Variants in PLA2G4F observed in about 807,000 individuals in gnomAD.
PLA2G4F encodes cytosolic phospholipase A2 zeta.
Under a neutral mutation model 103.1 loss-of-function variants are expected in PLA2G4F, and 105 were observed. The observed-to-expected ratio is 1.02, with a 90% CI of 0.87 to 1.20. PLA2G4F has a LOEUF of 1.20. Among genes scored for constraint, PLA2G4F ranks in the 50% most tolerant of loss-of-function variants. PLA2G4F has a pLI of 0.00. For missense variants in PLA2G4F, 1,155 were observed against 1,075.9 expected, an observed-to-expected ratio of 1.07 and a Z score of -1.03; for synonymous variants, 468 against 441.1, an observed-to-expected ratio of 1.06 and a Z score of -0.76.
Position 42,147,311 on chromosome 15 carries a change from G to A in PLA2G4F, c.1232C>T (p.Ser411Phe). Residue 411 changes from serine (S) to phenylalanine (F), a missense_variant, in exon 13 of 20, where the codon TCC becomes TTC. Physicochemically the swap from Ser to Phe is radical, Grantham distance 155. Coordinates refer to ENST00000397272, the MANE Select transcript of PLA2G4F (RefSeq NM_213600.4). ...AATGGGGCCCTGCAAGGCCACCTGG[G>A]ACCAGGCTGGGTCCCTGTAGAGTGT... is the stretch of plus-strand genomic sequence containing the variant. ...ISTLYRDPAW[S>F]QVALQGPIER... The A allele has an allele frequency of 1.9e-6, 3 of 1,609,576 alleles. No homozygotes were observed. The highest frequency in any genetic ancestry group is 1.7e-6 in the Non-Finnish European group (2 of 1,179,962).
At chr15:42,148,778 C>A (rs746468078) in intron 11 of PLA2G4F, 40 of 985,304 alleles carry the variant, frequency 4.1e-5, no homozygotes, top group Non-Finnish European at 4.7e-5. Flanking sequence ...AGATTTGGCT[C>A]ATTCCACTCT....
chr15:42,153,398 T>C lies in PLA2G4F; in HGVS notation c.492-56A>G, dbSNP rs986781830. On this transcript the variant is annotated intron_variant, in intron 5 of 19. Transcript: ENST00000397272. ...CATCTGGCCCCATCATGATGGCCTC[T>C]ACAATCATAATGTGACTGAAGCAGC... 9 of 1,580,022 alleles carry C rather than the reference T, an allele frequency of 5.7e-6. No homozygotes were observed. In the African/African-American group the frequency reaches 8.1e-5, roughly 14 times the overall value.
In PLA2G4F at chr15:42,142,511, C is replaced by T. The variant is rs749742368; in HGVS notation, c.2329+17G>A. ...CAGGGCTCTGTGGGTCAGTCCCAGG[C>T]CTGGAGCTTCCCTTACCTGGGGCCA... On this transcript the variant is annotated intron_variant, in intron 19 of 19. Coordinates refer to ENST00000397272, the MANE Select transcript of PLA2G4F (RefSeq NM_213600.4). 5.6e-6 allele frequency: 9 copies of T among 1,606,870 alleles called. No individual in the cohort carries two copies. Among genetic ancestry groups the T allele is most frequent in the South Asian group, 3.3e-5 (3 of 90,556 alleles).
In PLA2G4F at chr15:42,154,166, A is replaced by G. The variant is rs2048988133; in HGVS notation, c.376T>C (p.Ser126Pro). 2 of 1,614,090 alleles carry G rather than the reference A, an allele frequency of 1.2e-6. No individual in the cohort carries two copies. The highest frequency in any genetic ancestry group is 1.3e-5 in the African/African-American group (1 of 74,944). ...DKDILGSDQL[S>P]LLLFDLRSLK... ...CTTCTCAGGTCAAACAGGAGCAGAG[A>G]GAGCTGGTCGCTGCCCAGGATGTCC... The change falls in exon 4 of 20, where the codon TCT (serine) becomes CCT (proline). Residue 126 changes from serine (S) to proline (P), a missense_variant. Physicochemically the swap from Ser to Pro is moderately conservative, Grantham distance 74. Around this residue, in one of 3 missense-constraint regions of PLA2G4F, gnomAD observed 370 missense variants for 364.9 expected, o/e 1.01. Coordinates refer to ENST00000397272, the MANE Select transcript of PLA2G4F (RefSeq NM_213600.4).
At chr15:42,143,381 T>C (rs1359350226) in intron 18 of PLA2G4F, among the ~76,000 whole-genome samples, 2 of 152,106 alleles carry the variant, frequency 1.3e-5, no homozygotes, top group Non-Finnish European at 2.9e-5. Flanking sequence ...AAGGTTGACA[T>C]GCGACAATCA....
chr15:42,144,864 T>C (rs150084192), intron 16 of PLA2G4F, among the ~76,000 whole-genome samples: 1,657 of 152,340 alleles, frequency 0.011, 92 homozygotes, highest in Admixed American at 0.089. Context: ...GCCTACAGCA[T>C]TTACTAAATA....
At chr15:42,150,850 C>G (rs766066477) in intron 7 of PLA2G4F, 73 bp from the exon 8 acceptor site, 6 of 1,538,034 alleles carry the variant, frequency 3.9e-6, no homozygotes, top group African/African-American at 1.4e-5. Flanking sequence ...ATGCTGGCAG[C>G]GCCCCAGCAG....
intron 1 of PLA2G4F, 54 bp from the exon 2 acceptor site, chr15:42,155,643 G>A (rs900389063): frequency 2.3e-5 from 35 of 1,549,120 alleles, no homozygotes; most frequent in African/African-American, 1.4e-4. Flanking sequence ...CTGGTCCCTC[G>A]CCCCATTGTT....
Position 42,145,756 on chromosome 15 carries a change from C to G in PLA2G4F, c.1672+10G>C. The G allele has an allele frequency of 1.2e-6, 2 of 1,614,070 alleles. No homozygotes were observed. Among genetic ancestry groups the G allele is most frequent in the Non-Finnish European group, 1.7e-6 (2 of 1,180,016 alleles). On this transcript the variant is annotated intron_variant, in intron 15 of 19. Transcript: ENST00000397272. The stretch of plus-strand genomic sequence containing the variant: ...ACCTGCCTGTCCCCAGCCCTCCAGC[C>G]TCGACTCACCTTGCAGGTAACAGAT...
chr15:42,148,019 C>T (rs1377452274), intron 11 of PLA2G4F, among the ~76,000 whole-genome samples: 1 of 152,032 alleles, frequency 6.6e-6, no homozygotes, highest in Non-Finnish European at 1.5e-5. Flanking sequence ...TCTACTAAAA[C>T]TACAAAAAAA....
intron 4 of PLA2G4F, 150 bp downstream of exon 4, chr15:42,153,942 G>A (rs1211522279): frequency 5.8e-5 from 73 of 1,252,862 alleles, no homozygotes; most frequent in Non-Finnish European, 8.0e-5. Context: ...AGATGTATTA[G>A]AGGGAGACCT....
Position 42,153,671 on chromosome 15 carries a change from G to C in PLA2G4F, c.451-11C>G, listed in dbSNP as rs531488177. On this transcript the variant is annotated splice_polypyrimidine_tract_variant and intron_variant, in intron 4 of 19. Transcript: ENST00000397272. The stretch of plus-strand genomic sequence containing the variant: ...CAGCTCTTGTGAATCCTACATGGAG[G>C]GGGAGGGAGCACCAATTTTTTCAAG... 1.1e-5 allele frequency: 17 copies of C among 1,614,090 alleles called. No homozygotes were observed. In the South Asian group the frequency reaches 1.1e-4, roughly 10 times the overall value.
chr15:42,142,829 A>G, intron 18 of PLA2G4F, 115 bp from the exon 19 acceptor site: 1 of 1,106,590 alleles, frequency 9.0e-7, no homozygotes, highest in East Asian at 2.5e-5. Flanking sequence ...TAGCTGAGTG[A>G]CTTCAGGCAG....
At chr15:42,149,658 G>A in intron 11 of PLA2G4F, 55 bp downstream of exon 11, 2 of 1,606,298 alleles carry the variant, frequency 1.2e-6, no homozygotes, top group Non-Finnish European at 1.7e-6. Flanking sequence ...CTCAAGGGAA[G>A]AGACTTGATT....
chr15:42,139,728 C>T lies in PLA2G4F; in HGVS notation c.*2256G>A, dbSNP rs372173272. On this transcript the variant is annotated 3_prime_UTR_variant, in exon 20 of 20. Coordinates refer to ENST00000397272, the MANE Select transcript of PLA2G4F (RefSeq NM_213600.4). ...CTCCCAGATTCAGTCTTGTTGGAGC[C>T]TCCCCATCCCTGGCTGAGATCCTCC... 6.6e-6 allele frequency: 1 copy of T among 152,318 alleles called. No homozygotes were observed. Among genetic ancestry groups the T allele is most frequent in the Admixed American group, 6.5e-5 (1 of 15,284 alleles). 9.4% of individuals were successfully genotyped at this position (152,318 alleles called of 1,614,324 possible).
chr15:42,147,881 A>C (rs2048911264), intron 11 of PLA2G4F, 119 bp from the exon 12 acceptor site: 1 of 1,421,124 alleles, frequency 7.0e-7, no homozygotes. Context: ...TTGAATCCTC[A>C]CAGCAACCCA....
intron 1 of PLA2G4F, 70 bp from the exon 2 acceptor site, chr15:42,155,659 C>A: frequency 6.7e-7 from 1 of 1,497,492 alleles, no homozygotes; most frequent in Middle Eastern, 1.7e-4. Context: ...TTGTTCCCCT[C>A]GTCCCATCAT....
At chr15:42,145,236 T>G (rs1317315233) in intron 16 of PLA2G4F, among the ~76,000 whole-genome samples, 1 of 152,070 alleles carries the variant, frequency 6.6e-6, no homozygotes, top group African/African-American at 2.4e-5. Flanking sequence ...GCAAAAGTGA[T>G]CCAGGGGAGA....
At chr15:42,143,442 C>T (rs2048845985) in intron 18 of PLA2G4F, among the ~76,000 whole-genome samples, 1 of 152,150 alleles carries the variant, frequency 6.6e-6, no homozygotes, top group Admixed American at 6.5e-5. Context: ...CAATCCCAGG[C>T]TCTCACTGGA....
Sources: allele counts gnomAD v4.1 joint callset (sites outside exome capture counted in the v4.1 genomes callset), GRCh38; gene constraint gnomAD v4.1.1; regional missense constraint gnomAD v4.1.1; transcripts MANE v1.5; gene names NCBI Gene and HGNC (gene_info 2026-07-23, HGNC 2026-07-21).